TGFBR3: variants seen among roughly 807,000 people sequenced by gnomAD.
TGFBR3 encodes transforming growth factor beta receptor 3.
TGFBR3 carries 46 observed loss-of-function variants against 87.9 expected under a neutral mutation model. That is an observed-to-expected ratio of 0.52 (90% CI 0.41 to 0.67). The LOEUF (loss-of-function observed/expected upper bound fraction) is 0.67. TGFBR3 is among the 30% of genes least tolerant of loss of function. The probability of loss-of-function intolerance (pLI) is 0.00; values close to 1 mark genes in which losing one functional copy is unlikely to be tolerated. For synonymous variants in TGFBR3, 381 were observed against 391.6 expected, an observed-to-expected ratio of 0.97 and a Z score of 0.32; for missense variants, 866 against 1,041.9, an observed-to-expected ratio of 0.83 and a Z score of 2.32.
At chr1:91,840,483 G>A in intron 2 of TGFBR3, among the ~76,000 whole-genome samples, 1 of 141,402 alleles carries the variant, frequency 7.1e-6, no homozygotes, top group East Asian at 2.2e-4. Context: ...GTAATATCAT[G>A]CATGATTTTG....
chr1:91,709,947 A>AG (rs35626434), intron 13 of TGFBR3, among the ~76,000 whole-genome samples: 1 of 152,068 alleles, frequency 6.6e-6, no homozygotes, highest in Non-Finnish European at 1.5e-5. Flanking sequence ...TAGTAGTGAC[A>AG]GGGGTCTCAC....
chr1:91,772,033 T>C (rs954843283), intron 3 of TGFBR3, among the ~76,000 whole-genome samples: 1 of 151,978 alleles, frequency 6.6e-6, no homozygotes, highest in Non-Finnish European at 1.5e-5. Context: ...GAATACTTAA[T>C]TCAGACGGAG....
At chr1:91,842,022 G>C in intron 2 of TGFBR3, among the ~76,000 whole-genome samples, 1 of 150,162 alleles carries the variant, frequency 6.7e-6, no homozygotes, top group East Asian at 2.0e-4. Context: ...GATCACTTGA[G>C]ACTGGGAGCC....
At chr1:91,782,900 C>T (rs953839040) in intron 3 of TGFBR3, among the ~76,000 whole-genome samples, 2 of 152,060 alleles carry the variant, frequency 1.3e-5, no homozygotes, top group Admixed American at 1.3e-4. Flanking sequence ...GCAGCTTCCA[C>T]GTAAACGGGT....
chr1:91,797,546 A>G (rs991296091), intron 2 of TGFBR3, 75 bp from the exon 3 acceptor site: 2 of 1,517,830 alleles, frequency 1.3e-6, no homozygotes, highest in African/African-American at 1.4e-5. Flanking sequence ...AGGGTGATCA[A>G]ACCACTGCCA....
At chr1:91,874,642 C>T (rs951801177) in intron 1 of TGFBR3, among the ~76,000 whole-genome samples, 3 of 152,164 alleles carry the variant, frequency 2.0e-5, no homozygotes, top group South Asian at 2.1e-4. Context: ...GGATTACAGG[C>T]GCCCACCACC....
In TGFBR3 at chr1:91,682,618, C is replaced by A. The variant is rs1444325874; in HGVS notation, c.*1121G>T. 1 of 453,848 alleles carries A rather than the reference C, an allele frequency of 2.2e-6. No homozygotes were observed. Among genetic ancestry groups the A allele is most frequent in the Non-Finnish European group, 4.4e-6 (1 of 226,748 alleles). The allele number at this position is 453,848 out of a possible 1,614,324, so 28.1% of individuals were successfully genotyped here. A position where few individuals can be genotyped will look rare whatever the true frequency, so the allele number is the denominator to read the frequency against. On this transcript the variant is annotated 3_prime_UTR_variant, in exon 17 of 17. Coordinates refer to ENST00000212355, the MANE Select transcript of TGFBR3 (RefSeq NM_003243.5). ...TCTTGGTGGAATTGGTGACACTATT[C>A]AGATAACCAACTGGAGACCGACAGG...
Position 91,708,772 on chromosome 1 carries a change from A to G in TGFBR3, c.2178T>C (p.Pro726=). 1 of 1,613,982 alleles carries G rather than the reference A, an allele frequency of 6.2e-7. No individual in the cohort carries two copies. The highest frequency in any genetic ancestry group is 8.5e-7 in the Non-Finnish European group (1 of 1,179,984). Residue 726 remains proline, a synonymous_variant, in exon 14 of 17, where the codon CCT becomes CCC. Coordinates refer to ENST00000212355, the MANE Select transcript of TGFBR3 (RefSeq NM_003243.5). ...CGTCCAGCGAGGTGCAGGCTTCGTC[A>G]GGAGGCACACACTGCAGACAGGCAG... ...HPQKLPKCVP[P]DEACTSLDAS...
intron 2 of TGFBR3, among the ~76,000 whole-genome samples, chr1:91,854,329 C>T (rs1406985669): frequency 6.6e-6 from 1 of 152,060 alleles, no homozygotes; most frequent in East Asian, 1.9e-4. Flanking sequence ...TCATGTCCTT[C>T]ACCATGGGGG....
chr1:91,850,622 G>A (rs764567651), intron 2 of TGFBR3, among the ~76,000 whole-genome samples: 1 of 151,838 alleles, frequency 6.6e-6, no homozygotes, highest in Non-Finnish European at 1.5e-5. Context: ...CTCTATAAAA[G>A]ATCACAAAAT....
intron 16 of TGFBR3, among the ~76,000 whole-genome samples, chr1:91,689,102 C>T (rs1671188915): frequency 6.6e-6 from 1 of 152,152 alleles, no homozygotes; most frequent in Admixed American, 6.5e-5. Flanking sequence ...GTCTTTTTCT[C>T]TCAAAAAACA....
intron 4 of TGFBR3, among the ~76,000 whole-genome samples, chr1:91,756,904 T>A (rs1237423182): frequency 6.6e-6 from 1 of 152,158 alleles, no homozygotes; most frequent in Non-Finnish European, 1.5e-5. Flanking sequence ...TAGCCCTTAA[T>A]CTTAAAGAGT....
intron 2 of TGFBR3, among the ~76,000 whole-genome samples, chr1:91,845,173 C>A (rs550856148): frequency 3.0e-4 from 46 of 152,254 alleles, no homozygotes; most frequent in African/African-American, 1.1e-3. Context: ...GACAACATCA[C>A]GAAATGTTTC....
intron 3 of TGFBR3, among the ~76,000 whole-genome samples, chr1:91,762,359 A>G (rs1674001226): frequency 6.6e-6 from 1 of 152,232 alleles, no homozygotes; most frequent in Non-Finnish European, 1.5e-5. Flanking sequence ...ATTAACCCAG[A>G]TTAAGAACCC....
chr1:91,899,449 T>A (rs1015304303), intron 2 of TGFBR3, among the ~76,000 whole-genome samples: 1 of 151,978 alleles, frequency 6.6e-6, no homozygotes, highest in Non-Finnish European at 1.5e-5. Flanking sequence ...GAGGCTGCAG[T>A]GATCTGTTAT....
At chr1:91,792,024 C>G (rs770522291) in intron 3 of TGFBR3, among the ~76,000 whole-genome samples, 1 of 151,944 alleles carries the variant, frequency 6.6e-6, no homozygotes, top group Non-Finnish European at 1.5e-5. Flanking sequence ...CAAAAAGAAC[C>G]AAAAAAGGGA....
At chr1:91,710,027 C>T (rs898458221) in intron 13 of TGFBR3, among the ~76,000 whole-genome samples, 3 of 152,198 alleles carry the variant, frequency 2.0e-5, no homozygotes, top group African/African-American at 7.2e-5. Flanking sequence ...GCTAGGATGA[C>T]AGGCATGAGC....
At chr1:91,764,959 C>A (rs897711495) in intron 3 of TGFBR3, among the ~76,000 whole-genome samples, 9 of 152,178 alleles carry the variant, frequency 5.9e-5, no homozygotes, top group African/African-American at 2.2e-4. Context: ...CAAGCTTGTC[C>A]AACCCACGGC....
At chr1:91,852,923 T>C (rs954906004) in intron 2 of TGFBR3, among the ~76,000 whole-genome samples, 2 of 151,912 alleles carry the variant, frequency 1.3e-5, no homozygotes, top group Non-Finnish European at 2.9e-5. Context: ...GGGAGGCCGA[T>C]ATGGGTGGAC....
Sources: allele counts gnomAD v4.1 joint callset (sites outside exome capture counted in the v4.1 genomes callset), GRCh38; gene constraint gnomAD v4.1.1; transcripts MANE v1.5; gene names NCBI Gene and HGNC (gene_info 2026-07-23, HGNC 2026-07-21).